SIK2: variants seen among roughly 807,000 people sequenced by gnomAD.
SIK2 encodes serine/threonine-protein kinase SIK2.
A neutral mutation model predicts 103.2 loss-of-function variants in SIK2; 29 were observed. The observed-to-expected ratio is 0.28, with a 90% CI of 0.21 to 0.38. SIK2 has a LOEUF of 0.38. Among genes scored for constraint, SIK2 ranks in the 10% least tolerant of loss-of-function variants. SIK2 has a pLI of 1.00. For synonymous variants in SIK2, 412 were observed against 446.1 expected (o/e 0.92, Z 0.96); for missense variants, 879 against 1,171.0 (o/e 0.75, Z 3.64).
rs372435505 is a variant in SIK2, at chr11:111,701,411, C to T, written c.604-41C>T. The stretch of plus-strand genomic sequence containing the variant: ...GTTCAGGAAAACAAAGAGTGTTTGA[C>T]GTTCTTGGTAGAAAAGTCTCTGCAT... On this transcript the variant is annotated intron_variant, in intron 5 of 14. Coordinates refer to ENST00000304987, the MANE Select transcript of SIK2 (RefSeq NM_015191.3). This position sits in a 1 kb window ranked among gnomAD's most constrained non-coding sequence, Gnocchi z 4.2. 17 of 1,594,518 alleles carry T rather than the reference C, an allele frequency of 1.1e-5. No homozygotes were observed. The highest frequency in any genetic ancestry group is 4.5e-5 in the South Asian group (4 of 88,538).
chr11:111,720,811 G>A, intron 11 of SIK2, 49 bp downstream of exon 11: 1 of 1,572,478 alleles, frequency 6.4e-7, no homozygotes, highest in Non-Finnish European at 8.6e-7. Flanking sequence ...TAGGAGAGCA[G>A]TTTCTTGCCA....
At chr11:111,712,104 T>C (rs1943512464) in intron 8 of SIK2, 107 bp from the exon 9 acceptor site, 1 of 1,162,332 alleles carries the variant, frequency 8.6e-7, no homozygotes, top group East Asian at 2.4e-5. Context: ...TAAATAAATA[T>C]TCATTCTTTA....
intron 3 of SIK2, among the ~76,000 whole-genome samples, chr11:111,636,513 G>A (rs186369076): frequency 6.6e-5 from 10 of 152,308 alleles, no homozygotes; most frequent in African/African-American, 2.4e-4. Context: ...TAGTGAGAGT[G>A]TTTTAAGTTG....
chr11:111,672,453 A>G (rs181645388), intron 3 of SIK2: 74 of 280,738 alleles, frequency 2.6e-4, no homozygotes, highest in Non-Finnish European at 4.7e-4. Flanking sequence ...GGAGGATCAG[A>G]GAAGCTACTT....
rs908440372 is a variant in SIK2 at position 111,602,747 on chromosome 11, G to A, written c.135+49G>A. The stretch of plus-strand genomic sequence containing the variant: ...GCGTCCGAGGCGAGGGTTCGGGAGA[G>A]GAGCTGCTTACCGAGAGGGGCGGCC... On this transcript the variant is annotated intron_variant, in intron 1 of 14. Transcript: ENST00000304987. The surrounding 1 kb of genome is among the most constrained non-coding windows in gnomAD (Gnocchi z 4.5). 3.9e-5 allele frequency: 57 copies of A among 1,447,632 alleles called. No homozygotes were observed. Among genetic ancestry groups the A allele is most frequent in the Admixed American group, 1.3e-4 (5 of 39,064 alleles). The allele number at this position is 1,447,632 out of a possible 1,614,324, so 89.7% of individuals were successfully genotyped here. A position where few individuals can be genotyped will look rare whatever the true frequency, so the allele number is the denominator to read the frequency against.
intron 3 of SIK2, among the ~76,000 whole-genome samples, chr11:111,640,377 A>G (rs992571922): frequency 1.3e-5 from 2 of 152,224 alleles, no homozygotes; most frequent in Admixed American, 6.5e-5. Context: ...TGCCCTGCCT[A>G]TGCACAATCA....
intron 4 of SIK2, among the ~76,000 whole-genome samples, chr11:111,698,580 A>T (rs1427668379): frequency 6.6e-6 from 1 of 152,220 alleles, no homozygotes. Context: ...TGTCTCTACT[A>T]AAAATACAAA....
chr11:111,716,930 A>T (rs1943657468), intron 9 of SIK2, among the ~76,000 whole-genome samples: 1 of 152,188 alleles, frequency 6.6e-6, no homozygotes, highest in Admixed American at 6.5e-5. Context: ...AAACAAATTT[A>T]CAAGAAAAAT....
At chr11:111,678,513 T>A (rs1004079373) in intron 3 of SIK2, among the ~76,000 whole-genome samples, 1 of 152,140 alleles carries the variant, frequency 6.6e-6, no homozygotes, top group Non-Finnish European at 1.5e-5. Flanking sequence ...GGGCCGTGAG[T>A]TCTGTGCTAC....
At chr11:111,669,564 C>G (rs976025912) in intron 3 of SIK2, among the ~76,000 whole-genome samples, 2 of 151,324 alleles carry the variant, frequency 1.3e-5, no homozygotes, top group Non-Finnish European at 2.9e-5. Context: ...GACACCCCCC[C>G]TCCCGCCCCG....
intron 8 of SIK2, among the ~76,000 whole-genome samples, chr11:111,711,746 G>C (rs774043187): frequency 6.6e-5 from 10 of 152,216 alleles, no homozygotes; most frequent in Non-Finnish European, 1.3e-4. Flanking sequence ...GGTAGGGCAG[G>C]CAGAGACACA....
At chr11:111,685,819 A>G (rs1942837283) in intron 3 of SIK2, among the ~76,000 whole-genome samples, 1 of 152,202 alleles carries the variant, frequency 6.6e-6, no homozygotes, top group Admixed American at 6.5e-5. Flanking sequence ...ACTGTACTGC[A>G]CCCTGGGCAA....
rs199538214 is a variant in SIK2 at position 111,713,444 on chromosome 11, AAGG to A, written c.1266+1072_1266+1074del. On this transcript the variant is annotated intron_variant, in intron 9 of 14. Coordinates refer to ENST00000304987, the MANE Select transcript of SIK2 (RefSeq NM_015191.3). The stretch of plus-strand genomic sequence containing the variant: ...TGAACCTCAGTTTTCTCTTATATAA[AAGG>A]AGAACACCAACTTTATGAGACTATT... Among the ~76,000 whole-genome samples, 673 of 152,326 alleles carry A rather than the reference AAGG, an allele frequency of 4.4e-3. 5 individuals are homozygous for A. Among genetic ancestry groups the A allele is most frequent in the African/African-American group, 0.015 (629 of 41,576 alleles).
chr11:111,719,685 G>C, intron 9 of SIK2, 90 bp from the exon 10 acceptor site: 1 of 1,278,790 alleles, frequency 7.8e-7, no homozygotes, highest in Non-Finnish European at 1.1e-6. Context: ...TTAATTTCTA[G>C]TTCGCCACAA....
intron 3 of SIK2, among the ~76,000 whole-genome samples, chr11:111,631,452 G>A (rs937244917): frequency 3.9e-5 from 6 of 152,112 alleles, no homozygotes; most frequent in African/African-American, 1.2e-4. Context: ...CCAGGTTGAG[G>A]ATTAGAATGG....
At chr11:111,689,889 A>G (rs185641224) in intron 4 of SIK2, among the ~76,000 whole-genome samples, 10 of 151,940 alleles carry the variant, frequency 6.6e-5, no homozygotes, top group African/African-American at 1.4e-4. Flanking sequence ...TTTCCATTCT[A>G]TAGTCTGTGA....
At chr11:111,719,151 GCTGT>G (rs1471166242) in intron 9 of SIK2, among the ~76,000 whole-genome samples, 1 of 152,176 alleles carries the variant, frequency 6.6e-6, no homozygotes, top group African/African-American at 2.4e-5. Context: ...GGAGGCTTTG[GCTGT>G]CTGCCATTTG....
chr11:111,668,262 T>C (rs1265593422), intron 3 of SIK2, among the ~76,000 whole-genome samples: 1 of 152,192 alleles, frequency 6.6e-6, no homozygotes, highest in East Asian at 1.9e-4. Context: ...GACACTTCCG[T>C]GTAAATGCTT....
chr11:111,725,487 T>G lies in SIK2; in HGVS notation c.*1358T>G, dbSNP rs1296376243. The G allele has an allele frequency of 6.6e-6, 1 of 152,558 alleles. No homozygotes were observed. The highest frequency in any genetic ancestry group is 2.4e-5 in the African/African-American group (1 of 41,454). The allele number at this position is 152,558 out of a possible 1,614,324, so 9.5% of individuals were successfully genotyped here. A position where few individuals can be genotyped will look rare whatever the true frequency, so the allele number is the denominator to read the frequency against. ...TAGATGCTACAGCTAGCTAACTGTA[T>G]CCCTAGAAATGATGAATAATTTGCC... On this transcript the variant is annotated 3_prime_UTR_variant, in exon 15 of 15. Transcript: ENST00000304987.
Sources: allele counts gnomAD v4.1 joint callset (sites outside exome capture counted in the v4.1 genomes callset), GRCh38; gene constraint gnomAD v4.1.1; non-coding constraint Gnocchi (gnomAD v3.1); transcripts MANE v1.5; gene names NCBI Gene and HGNC (gene_info 2026-07-23, HGNC 2026-07-21).